Variants in CALN1 observed in about 807,000 individuals in gnomAD.
The protein encoded by CALN1 is calcium-binding protein 8.
CALN1 carries 17 observed loss-of-function variants against 30.6 expected under a neutral mutation model. The observed-to-expected ratio is 0.56, with a 90% CI of 0.38 to 0.83. The LOEUF is 0.83. CALN1 is among the 40% of genes least tolerant of loss of function. The pLI, the probability that CALN1 is intolerant of heterozygous loss-of-function variation, is 0.00. For synonymous variants in CALN1, 156 were observed against 131.4 expected, an observed-to-expected ratio of 1.19 and a Z score of -1.28; for missense variants, 291 against 354.9, an observed-to-expected ratio of 0.82 and a Z score of 1.45.
intron 2 of CALN1, among the ~76,000 whole-genome samples, chr7:72,312,129 C>T (rs1184974937): frequency 2.0e-5 from 3 of 152,050 alleles, no homozygotes; most frequent in East Asian, 1.9e-4. Context: ...CCAGGCTGGG[C>T]GCAGTGGCTC....
intron 2 of CALN1, among the ~76,000 whole-genome samples, chr7:72,343,663 CT>C (rs1802484122): frequency 6.6e-6 from 1 of 152,080 alleles, no homozygotes; most frequent in African/African-American, 2.4e-5. Flanking sequence ...TTCCAGATGC[CT>C]ATGAGAAAAG....
At chr7:71,931,088 T>TA (rs1795526149) in intron 5 of CALN1, among the ~76,000 whole-genome samples, 1 of 152,188 alleles carries the variant, frequency 6.6e-6, no homozygotes, top group Admixed American at 6.5e-5. Flanking sequence ...TTTCCAAAAA[T>TA]ACTTGTATTG....
At chr7:72,406,864 C>T (rs1267112856) in intron 1 of CALN1, among the ~76,000 whole-genome samples, 1 of 152,152 alleles carries the variant, frequency 6.6e-6, no homozygotes, top group Non-Finnish European at 1.5e-5. Context: ...GATCTGCCTG[C>T]CTCAGCCTCC....
chr7:71,798,123 CAG>C (rs3973907), intron 6 of CALN1, among the ~76,000 whole-genome samples: 6,381 of 70,422 alleles, frequency 0.091, 268 homozygotes, highest in Middle Eastern at 0.14. Context: ...GAGACAGAGA[CAG>C]AGAGAGAGAG....
intron 6 of CALN1, among the ~76,000 whole-genome samples, chr7:71,800,134 C>T (rs530288618): frequency 3.3e-5 from 5 of 152,292 alleles, no homozygotes; most frequent in Middle Eastern, 3.4e-3. Flanking sequence ...GTGACTTCAG[C>T]GGGGAGGACT....
In CALN1 at chr7:72,142,761, C is replaced by T. The variant is rs566681830; in HGVS notation, c.245-36467G>A. Among the ~76,000 whole-genome samples, 79 of 152,202 alleles carry T rather than the reference C, an allele frequency of 5.2e-4. No individual in the cohort carries two copies. In the Middle Eastern group the frequency reaches 0.014, roughly 26 times the overall value. On this transcript the variant is annotated intron_variant, in intron 3 of 6. Transcript: ENST00000395275. ...GACTGACACCTCACACGGCTGGGTA[C>T]CCCTCTGAGATGAAACTTCCAGAGG...
intron 2 of CALN1, among the ~76,000 whole-genome samples, chr7:72,338,517 G>C (rs111277213): frequency 5.2e-4 from 71 of 137,626 alleles, no homozygotes; most frequent in African/African-American, 1.7e-3. Context: ...GTGTGTGTGT[G>C]TGTGTGTGTG....
Position 71,940,915 on chromosome 7 carries a change from A to C in CALN1, c.501+82742T>G, listed in dbSNP as rs145882930. Among the ~76,000 whole-genome samples, 950 of 152,246 alleles carry C rather than the reference A, an allele frequency of 6.2e-3. 10 individuals carry two copies. The highest frequency in any genetic ancestry group is 0.022 in the African/African-American group (905 of 41,538). On this transcript the variant is annotated intron_variant, in intron 5 of 6. Transcript: ENST00000395275. ...GCGTGAGCCACTGCACCCAGCCTAT[A>C]GTTCTTTGTTATAGAAGCTTAGTTT... is the stretch of plus-strand genomic sequence containing the variant.
At chr7:72,369,560 C>T (rs1804097085) in intron 2 of CALN1, among the ~76,000 whole-genome samples, 1 of 151,956 alleles carries the variant, frequency 6.6e-6, no homozygotes, top group Non-Finnish European at 1.5e-5. Context: ...GGGGTTTCTC[C>T]ATGTTGGTCA....
chr7:72,222,312 T>A (rs1793365533), intron 3 of CALN1, among the ~76,000 whole-genome samples: 1 of 152,164 alleles, frequency 6.6e-6, no homozygotes, highest in South Asian at 2.1e-4. Context: ...GGAAGTGTGA[T>A]GCTGGCATCT....
intron 4 of CALN1, among the ~76,000 whole-genome samples, chr7:72,072,054 A>G (rs1177634025): frequency 6.6e-6 from 1 of 152,204 alleles, no homozygotes. Flanking sequence ...CAAGTGGACC[A>G]ACATATACAT....
chr7:72,170,921 C>T lies in CALN1; in HGVS notation c.245-64627G>A, dbSNP rs1435479681. 2.0e-5 allele frequency among the ~76,000 whole-genome samples: 3 copies of T among 152,106 alleles called. No individual in the cohort carries two copies. The East Asian group carries it at 5.8e-4, about 29-fold the overall frequency. On this transcript the variant is annotated intron_variant, in intron 3 of 6. Coordinates refer to ENST00000395275, the MANE Select transcript of CALN1 (RefSeq NM_031468.4). ...CCTGTAATTCCAACAATTTGGGAGGCCAAGGCGGGTGGATCACATTGAGTC... is the reference window on the plus strand; with the variant it reads ...CCTGTAATTCCAACAATTTGGGAGGTCAAGGCGGGTGGATCACATTGAGTC...
chr7:72,398,102 A>T (rs191301001), intron 2 of CALN1, among the ~76,000 whole-genome samples: 11 of 152,272 alleles, frequency 7.2e-5, no homozygotes, highest in Admixed American at 6.5e-4. Flanking sequence ...GACAGGGAAG[A>T]GAGGCAAGAA....
At chr7:72,303,493 G>A (rs1799434763) in intron 2 of CALN1, among the ~76,000 whole-genome samples, 2 of 151,724 alleles carry the variant, frequency 1.3e-5, no homozygotes, top group Admixed American at 6.6e-5. Context: ...GGAGGCAGAG[G>A]CTGCGGTGAG....
intron 2 of CALN1, among the ~76,000 whole-genome samples, chr7:72,307,105 C>CT (rs1390067779): frequency 6.6e-6 from 1 of 152,106 alleles, no homozygotes; most frequent in East Asian, 1.9e-4. Context: ...TTGGTTTTTG[C>CT]TTTTTGTAAT....
chr7:71,788,027 T>G, intron 6 of CALN1, 125 bp from the exon 7 acceptor site: 2 of 1,291,778 alleles, frequency 1.5e-6, no homozygotes, highest in Non-Finnish European at 1.1e-6. Context: ...TCCTATAGGA[T>G]GAGACTGGTC....
intron 2 of CALN1, among the ~76,000 whole-genome samples, chr7:72,315,140 A>C (rs2129556747): frequency 6.6e-6 from 1 of 152,212 alleles, no homozygotes; most frequent in African/African-American, 2.4e-5. Context: ...ACAGAGTGAG[A>C]CCCTGTAACT....
intron 3 of CALN1, among the ~76,000 whole-genome samples, chr7:72,123,030 T>C (rs1202423494): frequency 6.6e-6 from 1 of 152,202 alleles, no homozygotes; most frequent in Non-Finnish European, 1.5e-5. Flanking sequence ...CAACTCTGAA[T>C]ACTGCATAGC....
intron 5 of CALN1, among the ~76,000 whole-genome samples, chr7:72,010,937 G>A (rs1800042800): frequency 6.6e-6 from 1 of 151,920 alleles, no homozygotes; most frequent in Admixed American, 6.6e-5. Context: ...GGCGGATCAT[G>A]GGGTCAAGAG....
Sources: gnomAD v4.1 joint callset for allele counts (sites outside exome capture counted in the v4.1 genomes callset) on GRCh38, gnomAD v4.1.1 for gene constraint, MANE v1.5 for transcripts, NCBI Gene and HGNC (gene_info 2026-07-23, HGNC 2026-07-21) for gene names.